Variants in TMED8 observed in about 807,000 individuals in gnomAD.
The protein encoded by TMED8 is transmembrane p24 trafficking protein family member 8, also known as protein TMED8.
TMED8 carries 15 observed loss-of-function variants against 32.7 expected under a neutral mutation model. The ratio of observed to expected loss-of-function variants is 0.46; its 90% CI spans 0.31 to 0.71. The LOEUF (loss-of-function observed/expected upper bound fraction) is 0.71. TMED8 is among the 30% of genes least tolerant of loss of function. TMED8 has a pLI of 0.06. For synonymous variants in TMED8, 147 were observed against 161.4 expected (o/e 0.91, Z 0.68); for missense variants, 390 against 423.9 (o/e 0.92, Z 0.70).
intron 1 of TMED8, among the ~76,000 whole-genome samples, chr14:77,358,094 A>G (rs1893332309): frequency 6.9e-6 from 1 of 144,430 alleles, no homozygotes; most frequent in Admixed American, 7.3e-5. Context: ...AAGGCACTCC[A>G]GCCTGGGTGA....
At chr14:77,358,279 A>G (rs941196567) in intron 1 of TMED8, among the ~76,000 whole-genome samples, 4 of 151,956 alleles carry the variant, frequency 2.6e-5, no homozygotes, top group African/African-American at 7.3e-5. Flanking sequence ...ATTCATGCAA[A>G]TACTTCTAAT....
chr14:77,363,363 T>C (rs777409049), intron 1 of TMED8, among the ~76,000 whole-genome samples: 1 of 152,124 alleles, frequency 6.6e-6, no homozygotes, highest in African/African-American at 2.4e-5. Context: ...GAACAACCAA[T>C]AGATTGGTTG....
intron 1 of TMED8, among the ~76,000 whole-genome samples, chr14:77,366,158 C>T (rs1387655312): frequency 6.6e-6 from 1 of 152,152 alleles, no homozygotes; most frequent in Non-Finnish European, 1.5e-5. Flanking sequence ...CCCCGACATC[C>T]CTCAAAGATG....
chr14:77,372,923 TATATATATATATATATATATATATATATA>T (rs1566696251), intron 1 of TMED8, among the ~76,000 whole-genome samples: 32 of 25,804 alleles, frequency 1.2e-3, no homozygotes, highest in African/African-American at 3.9e-3. Flanking sequence ...TATATATATA[TATATATATATATATATATATATATATATA>T]TTTTTTTTTT....
In TMED8 at chr14:77,336,473, T is replaced by G. The variant is rs1892762280; in HGVS notation, c.*5298A>C. On this transcript the variant is annotated 3_prime_UTR_variant, in exon 6 of 6. Coordinates refer to ENST00000216468, the MANE Select transcript of TMED8 (RefSeq NM_213601.3). ...CACTATCATTGGTTTTAGGCAATAG[T>G]GTTTTCTTAGCTTAGAAATTTCTTA... 1 of 152,216 alleles carries G rather than the reference T, an allele frequency of 6.6e-6. No individual in the cohort carries two copies. The highest frequency in any genetic ancestry group is 2.4e-5 in the African/African-American group (1 of 41,448). 9.4% of individuals were successfully genotyped at this position (152,216 alleles called of 1,614,324 possible).
Position 77,335,909 on chromosome 14 carries a change from G to A in TMED8, c.*5862C>T, listed in dbSNP as rs1892749929. The A allele has an allele frequency of 6.6e-6, 1 of 152,174 alleles. No individual in the cohort carries two copies. Among genetic ancestry groups the A allele is most frequent in the South Asian group, 2.1e-4 (1 of 4,828 alleles). 9.4% of individuals were successfully genotyped at this position (152,174 alleles called of 1,614,324 possible). ...ATGGAATTTCTTAGTAAAATGTACT[G>A]TTTAGGATATGAGAGACGGAATTAA... On this transcript the variant is annotated 3_prime_UTR_variant, in exon 6 of 6. Transcript: ENST00000216468.
In TMED8 at chr14:77,369,238, A is replaced by G. The variant is rs949848687; in HGVS notation, c.118+7698T>C. 2.6e-5 allele frequency among the ~76,000 whole-genome samples: 4 copies of G among 152,238 alleles called. No homozygotes were observed. The South Asian group carries it at 6.2e-4, about 24-fold the overall frequency. ...TTTCTAAGCTTTTGATTCTATTCCT[A>G]GAGCCTGACTACTCTTTAAAAACTT... On this transcript the variant is annotated intron_variant, in intron 1 of 5. Coordinates refer to ENST00000216468, the MANE Select transcript of TMED8 (RefSeq NM_213601.3).
In TMED8 at chr14:77,376,153, T is replaced by C. The variant is rs1159707929; in HGVS notation, c.118+783A>G. On this transcript the variant is annotated intron_variant, in intron 1 of 5. Transcript: ENST00000216468. The surrounding 1 kb of genome is among the most constrained non-coding windows in gnomAD (Gnocchi z 4.0). ...TGTTCAGGAGGCTGAAAGAAGAAAGTGTGATGGATGGACTCTTTTGTCTTT... is the reference window on the plus strand; with the variant it reads ...TGTTCAGGAGGCTGAAAGAAGAAAGCGTGATGGATGGACTCTTTTGTCTTT... 1.3e-5 allele frequency among the ~76,000 whole-genome samples: 2 copies of C among 152,098 alleles called. No homozygotes were observed. Among genetic ancestry groups the C allele is most frequent in the Admixed American group, 6.6e-5 (1 of 15,264 alleles).
rs113343710 is a variant in TMED8 at position 77,366,845 on chromosome 14, G to A, written c.118+10091C>T. Among the ~76,000 whole-genome samples the A allele has an allele frequency of 5.2e-3, 798 of 152,242 alleles. 6 individuals are homozygous for A. Among genetic ancestry groups the A allele is most frequent in the Non-Finnish European group, 6.9e-3 (470 of 68,024 alleles). On this transcript the variant is annotated intron_variant, in intron 1 of 5. Coordinates refer to ENST00000216468, the MANE Select transcript of TMED8 (RefSeq NM_213601.3). ...AGAAATTGAAGCTCGGAGAAATCAT[G>A]ATGCCCAAGATGACCAGCAAATACG...
At chr14:77,366,183 T>G (rs1187954649) in intron 1 of TMED8, among the ~76,000 whole-genome samples, 1 of 152,212 alleles carries the variant, frequency 6.6e-6, no homozygotes, top group Non-Finnish European at 1.5e-5. Context: ...ACAAGTATAT[T>G]TGCAAGTTAT....
chr14:77,359,668 TG>T (rs556031217), intron 1 of TMED8: 124 of 322,050 alleles, frequency 3.9e-4, no homozygotes, highest in East Asian at 1.2e-3. Context: ...AACGCCATTC[TG>T]GTACACACAG....
chr14:77,376,004 T>C lies in TMED8; in HGVS notation c.118+932A>G, dbSNP rs1020787043. On this transcript the variant is annotated intron_variant, in intron 1 of 5. Coordinates refer to ENST00000216468, the MANE Select transcript of TMED8 (RefSeq NM_213601.3). The surrounding 1 kb of genome is among the most constrained non-coding windows in gnomAD (Gnocchi z 4.0). ...GTAGTGCCTCAACCATTATACTTTA[T>C]GGTGTCTATTTTAATTTCAGACCTA... is the stretch of plus-strand genomic sequence containing the variant. Among the ~76,000 whole-genome samples, 4 of 152,254 alleles carry C rather than the reference T, an allele frequency of 2.6e-5. No homozygotes were observed. Among genetic ancestry groups the C allele is most frequent in the Non-Finnish European group, 5.9e-5 (4 of 68,050 alleles).
chr14:77,345,496 G>A (rs1327666020), intron 3 of TMED8, among the ~76,000 whole-genome samples: 3 of 151,444 alleles, frequency 2.0e-5, no homozygotes, highest in South Asian at 2.1e-4. Context: ...ACCCCATCCC[G>A]CCCCCATCCC....
chr14:77,358,078 C>T (rs1374281641), intron 1 of TMED8, among the ~76,000 whole-genome samples: 3 of 137,646 alleles, frequency 2.2e-5, no homozygotes, highest in South Asian at 2.4e-4. Flanking sequence ...GAGCTGAGAT[C>T]GTGCCAAGGC....
intron 1 of TMED8, among the ~76,000 whole-genome samples, chr14:77,368,467 ATTATTTATTTAT>A (rs369795650): frequency 6.6e-6 from 1 of 151,508 alleles, no homozygotes; most frequent in East Asian, 1.9e-4. Flanking sequence ...TGTCCTTTTT[ATTATTTATTTAT>A]TTATTTATTT....
rs764560415 is a variant in TMED8, at chr14:77,343,722, T to A, written c.429A>T (p.Ala143=). ...IDVLSADLES[A]DLLGDHRKVS... Reference sequence around the variant, plus strand: ...CTTTCCTGTGGTCCCCCAGAAGATCTGCAGATTCCAAATCAGCTGAAAGAA... The same window carrying A: ...CTTTCCTGTGGTCCCCCAGAAGATCAGCAGATTCCAAATCAGCTGAAAGAA... The change falls in exon 4 of 6, where the codon GCA becomes GCT. Residue 143 remains alanine (A), a synonymous_variant. Transcript: ENST00000216468. The A allele has an allele frequency of 8.7e-6, 14 of 1,614,204 alleles. No homozygotes were observed. The Admixed American group carries it at 2.3e-4, about 27-fold the overall frequency.
chr14:77,371,407 A>G (rs1893677424), intron 1 of TMED8, among the ~76,000 whole-genome samples: 1 of 152,226 alleles, frequency 6.6e-6, no homozygotes, highest in South Asian at 2.1e-4. Context: ...GGTAAGCACC[A>G]CTTCTCATAG....
chr14:77,350,130 G>A (rs1290347130), intron 2 of TMED8, among the ~76,000 whole-genome samples: 1 of 152,034 alleles, frequency 6.6e-6, no homozygotes, highest in African/African-American at 2.4e-5. Context: ...GGGGATTTTT[G>A]TCTTTATATT....
intron 1 of TMED8, among the ~76,000 whole-genome samples, chr14:77,370,933 T>A (rs1811281): frequency 0.35 from 53,115 of 150,968 alleles, 9,929 homozygotes; most frequent in Middle Eastern, 0.45. Flanking sequence ...TGGGCAACAG[T>A]GCGAGACTCT....
Sources: allele counts gnomAD v4.1 joint callset (sites outside exome capture counted in the v4.1 genomes callset), GRCh38; gene constraint gnomAD v4.1.1; non-coding constraint Gnocchi (gnomAD v3.1); transcripts MANE v1.5; gene names NCBI Gene and HGNC (gene_info 2026-07-23, HGNC 2026-07-21).